MTHFD1L: variants seen among roughly 807,000 people sequenced by gnomAD.
MTHFD1L encodes the protein methylenetetrahydrofolate dehydrogenase (NADP+ dependent) 1 like.
MTHFD1L carries 81 observed loss-of-function variants against 119.5 expected under a neutral mutation model. The ratio of observed to expected loss-of-function variants is 0.68; its 90% CI spans 0.57 to 0.82. The LOEUF (loss-of-function observed/expected upper bound fraction) is 0.82. MTHFD1L is among the 40% of genes least tolerant of loss of function. The pLI is 0.00. For missense variants in MTHFD1L, 1,125 were observed against 1,253.4 expected, an observed-to-expected ratio of 0.90 and a Z score of 1.55; for synonymous variants, 430 against 475.2, an observed-to-expected ratio of 0.90 and a Z score of 1.24.
intron 8 of MTHFD1L, among the ~76,000 whole-genome samples, chr6:150,909,049 G>T (rs1056295105): frequency 6.6e-6 from 1 of 151,972 alleles, no homozygotes. Flanking sequence ...ATGGGATGTT[G>T]TGATTTATGA....
At chr6:150,897,072 G>A (rs563729866) in intron 7 of MTHFD1L, among the ~76,000 whole-genome samples, 12 of 152,172 alleles carry the variant, frequency 7.9e-5, no homozygotes, top group East Asian at 1.9e-4. Context: ...AGCCGAGATC[G>A]CGCCACTGCA....
intron 26 of MTHFD1L, among the ~76,000 whole-genome samples, chr6:151,041,281 T>G (rs934534544): frequency 1.1e-4 from 17 of 152,230 alleles, no homozygotes; most frequent in African/African-American, 4.1e-4. Flanking sequence ...GGACTGGTAT[T>G]TATTTTTACT....
chr6:151,025,967 T>A (rs1377899263), intron 24 of MTHFD1L, among the ~76,000 whole-genome samples: 1 of 152,258 alleles, frequency 6.6e-6, no homozygotes, highest in Non-Finnish European at 1.5e-5. Flanking sequence ...CCTTCATGGA[T>A]CTTTATTTCT....
At chr6:150,895,313 G>A (rs1008682521) in intron 7 of MTHFD1L, among the ~76,000 whole-genome samples, 1 of 152,220 alleles carries the variant, frequency 6.6e-6, no homozygotes, top group African/African-American at 2.4e-5. Flanking sequence ...CCCTCTGCAC[G>A]GAAGGGAGAG....
At position 151,101,175 on chromosome 6, in the gene MTHFD1L, A is replaced by T. The variant is rs76816150; in HGVS notation, c.*32-351A>T. 8.3e-3 allele frequency among the ~76,000 whole-genome samples: 1,260 copies of T among 152,246 alleles called. 11 individuals are homozygous for T. The highest frequency in any genetic ancestry group is 0.028 in the African/African-American group (1,184 of 41,546). On this transcript the variant is annotated intron_variant, in intron 27 of 27. Transcript: ENST00000367321. ...CTCTGTCTCAAAAAATTAAAAAAAA[A>T]TTTTTTTAAATCCTAAATATTCTCA...
intron 8 of MTHFD1L, among the ~76,000 whole-genome samples, chr6:150,917,757 A>G (rs1788228222): frequency 6.6e-6 from 1 of 152,230 alleles, no homozygotes; most frequent in Non-Finnish European, 1.5e-5. Context: ...AACAGGCCCA[A>G]CATCACAATT....
chr6:151,061,401 T>C (rs533839006), intron 26 of MTHFD1L, among the ~76,000 whole-genome samples: 1 of 152,268 alleles, frequency 6.6e-6, no homozygotes, highest in South Asian at 2.1e-4. Context: ...TGGGTAATGG[T>C]CACGTACCAA....
intron 8 of MTHFD1L, among the ~76,000 whole-genome samples, chr6:150,911,926 T>C (rs1016813319): frequency 1.3e-5 from 2 of 151,974 alleles, no homozygotes; most frequent in South Asian, 4.1e-4. Flanking sequence ...TATCTCCCAC[T>C]GGGTCCCTCC....
chr6:150,938,765 C>T lies in MTHFD1L; in HGVS notation c.1440+20C>T, dbSNP rs375868370. 87 of 1,596,394 alleles carry T rather than the reference C, an allele frequency of 5.4e-5. No individual in the cohort carries two copies. The highest frequency in any genetic ancestry group is 6.1e-5 in the Non-Finnish European group (72 of 1,171,112). On this transcript the variant is annotated intron_variant, in intron 13 of 27. Transcript: ENST00000367321. ...GAGGAGGTAAGACCTTGAAGAGATG[C>T]GGGTCAGCTATCACTGTGTTTCCTT...
chr6:150,930,372 T>C (rs1285416547), intron 11 of MTHFD1L, among the ~76,000 whole-genome samples: 1 of 152,264 alleles, frequency 6.6e-6, no homozygotes, highest in African/African-American at 2.4e-5. Flanking sequence ...GGGAAATGAC[T>C]GTTATCAAAC....
chr6:150,956,143 T>A, intron 17 of MTHFD1L, 72 bp downstream of exon 17: 1 of 1,460,156 alleles, frequency 6.8e-7, no homozygotes, highest in Non-Finnish European at 9.6e-7. Context: ...AGCTCACTCT[T>A]TGCCTTTCTT....
chr6:151,046,143 A>G (rs1275101461), intron 26 of MTHFD1L, among the ~76,000 whole-genome samples: 2 of 152,096 alleles, frequency 1.3e-5, no homozygotes, highest in Non-Finnish European at 2.9e-5. Flanking sequence ...GTATAAAACT[A>G]CTTTAAATGA....
chr6:151,013,106 C>T (rs943265825), intron 21 of MTHFD1L, among the ~76,000 whole-genome samples: 2 of 152,184 alleles, frequency 1.3e-5, no homozygotes, highest in African/African-American at 2.4e-5. Context: ...CAAGGCCAGG[C>T]ACAGTGTTTC....
At chr6:150,924,937 TG>T (rs61668548) in intron 10 of MTHFD1L, among the ~76,000 whole-genome samples, 13,414 of 152,076 alleles carry the variant, frequency 0.088, 817 homozygotes, top group African/African-American at 0.17. Context: ...CAGCGGTACT[TG>T]AGGGGGGTAA....
At chr6:150,876,941 T>A (rs1780553119) in intron 2 of MTHFD1L, among the ~76,000 whole-genome samples, 1 of 152,174 alleles carries the variant, frequency 6.6e-6, no homozygotes, top group African/African-American at 2.4e-5. Flanking sequence ...GAAAGACAAG[T>A]TAGAACAATA....
chr6:151,068,078 A>C (rs751291641), intron 26 of MTHFD1L, among the ~76,000 whole-genome samples: 5 of 152,276 alleles, frequency 3.3e-5, no homozygotes, highest in Non-Finnish European at 7.3e-5. Flanking sequence ...TGCCAAACAA[A>C]TAACACAATT....
chr6:150,866,394 G>A (rs1778320573), intron 1 of MTHFD1L: 2 of 1,379,070 alleles, frequency 1.5e-6, no homozygotes. Context: ...GACGGTAAAG[G>A]GGCGGTGCGG....
At chr6:151,062,385 C>T (rs185358551) in intron 26 of MTHFD1L, among the ~76,000 whole-genome samples, 147 of 152,196 alleles carry the variant, frequency 9.7e-4, no homozygotes, top group Non-Finnish European at 1.9e-3. Context: ...TTGCAGTGAG[C>T]CAAGATCGCG....
At chr6:151,001,035 G>A (rs1250559949) in intron 20 of MTHFD1L, among the ~76,000 whole-genome samples, 3 of 152,170 alleles carry the variant, frequency 2.0e-5, no homozygotes, top group African/African-American at 7.2e-5. Context: ...AAGTTAGCCA[G>A]ATACGCCCCG....
Sources: gnomAD v4.1 joint callset for allele counts (sites outside exome capture counted in the v4.1 genomes callset) on GRCh38, gnomAD v4.1.1 for gene constraint, MANE v1.5 for transcripts, NCBI Gene and HGNC (gene_info 2026-07-23, HGNC 2026-07-21) for gene names.